Variants in SPOCK1 observed in about 807,000 individuals in gnomAD.
SPOCK1 encodes the protein testican-1.
Under a neutral mutation model 55.3 loss-of-function variants are expected in SPOCK1, and 23 were observed. The ratio of observed to expected loss-of-function variants is 0.42; its 90% CI spans 0.30 to 0.59. SPOCK1 has a LOEUF of 0.59. SPOCK1 is among the 20% of genes least tolerant of loss of function. SPOCK1 has a pLI of 0.22. For missense variants in SPOCK1, 499 were observed against 552.5 expected, an observed-to-expected ratio of 0.90 and a Z score of 0.97; for synonymous variants, 226 against 221.0, an observed-to-expected ratio of 1.02 and a Z score of -0.20.
chr5:137,117,094 G>C (rs1470485766), intron 4 of SPOCK1, among the ~76,000 whole-genome samples: 1 of 152,154 alleles, frequency 6.6e-6, no homozygotes, highest in Non-Finnish European at 1.5e-5. Context: ...CAGGACATGG[G>C]GCACACCCAG....
In SPOCK1 at chr5:137,020,139, A is replaced by T. The variant is rs1218320345; in HGVS notation, c.590-27539T>A. On this transcript the variant is annotated intron_variant, in intron 6 of 10. Transcript: ENST00000394945. ...AAAGGAGAGATAAAAAGCAGAAAAT[A>T]TTAATAAGAGAGTAGAATTTCCATA... is the stretch of plus-strand genomic sequence containing the variant. Among the ~76,000 whole-genome samples, 4 of 151,990 alleles carry T rather than the reference A, an allele frequency of 2.6e-5. No homozygotes were observed. The East Asian group carries it at 7.7e-4, about 29-fold the overall frequency.
At chr5:137,283,166 G>T (rs866179035) in intron 2 of SPOCK1, among the ~76,000 whole-genome samples, 1 of 152,110 alleles carries the variant, frequency 6.6e-6, no homozygotes, top group Non-Finnish European at 1.5e-5. Flanking sequence ...TCTTTGATTG[G>T]GGTAAGGTTT....
chr5:137,452,526 G>C, intron 2 of SPOCK1, among the ~76,000 whole-genome samples: 1 of 152,146 alleles, frequency 6.6e-6, no homozygotes, highest in East Asian at 1.9e-4. Flanking sequence ...TAGTAGTTTT[G>C]AAAGAACTCA....
At chr5:137,317,004 G>A (rs1478443826) in intron 2 of SPOCK1, among the ~76,000 whole-genome samples, 5 of 152,144 alleles carry the variant, frequency 3.3e-5, no homozygotes, top group African/African-American at 4.8e-5. Flanking sequence ...TTTCCAAGCT[G>A]ATAAGAGCTC....
chr5:137,358,975 A>G (rs1201488170), intron 2 of SPOCK1, among the ~76,000 whole-genome samples: 12 of 152,228 alleles, frequency 7.9e-5, no homozygotes, highest in Admixed American at 7.9e-4. Context: ...AACAGAGCAC[A>G]GCTTCTTAAG....
intron 3 of SPOCK1, among the ~76,000 whole-genome samples, chr5:137,172,371 T>C (rs182603439): frequency 6.6e-6 from 1 of 152,274 alleles, no homozygotes; most frequent in Admixed American, 6.5e-5. Context: ...TCTCCATTAA[T>C]AGACAGGGCT....
chr5:137,436,328 G>A (rs1032629003), intron 2 of SPOCK1, among the ~76,000 whole-genome samples: 2 of 151,770 alleles, frequency 1.3e-5, no homozygotes, highest in Admixed American at 1.3e-4. Context: ...GGTATATAGG[G>A]TGAGGAAAGG....
chr5:137,072,942 G>T (rs1345947007), intron 5 of SPOCK1, among the ~76,000 whole-genome samples: 2 of 152,170 alleles, frequency 1.3e-5, no homozygotes, highest in African/African-American at 4.8e-5. Context: ...TAATAATTGG[G>T]CAGGAAGTGA....
intron 2 of SPOCK1, among the ~76,000 whole-genome samples, chr5:137,383,900 C>A (rs536529208): frequency 6.6e-6 from 1 of 152,220 alleles, no homozygotes; most frequent in Non-Finnish European, 1.5e-5. Flanking sequence ...CTGGCTCCCA[C>A]CTCATCAGCC....
chr5:137,056,979 C>T (rs570679976), intron 6 of SPOCK1, among the ~76,000 whole-genome samples: 20 of 152,246 alleles, frequency 1.3e-4, no homozygotes, highest in African/African-American at 4.1e-4. Context: ...AGACCTGCTA[C>T]TACATCACTG....
At chr5:137,175,064 C>T (rs1754829005) in intron 3 of SPOCK1, among the ~76,000 whole-genome samples, 1 of 152,148 alleles carries the variant, frequency 6.6e-6, no homozygotes, top group South Asian at 2.1e-4. Flanking sequence ...GTCCTGCCCT[C>T]AAGGAGTTCA....
chr5:137,140,563 C>T lies in SPOCK1; in HGVS notation c.347+17G>A, dbSNP rs772032651. On this transcript the variant is annotated intron_variant, in intron 4 of 10. Transcript: ENST00000394945. ...AGAATGCCTCCCAGCCCCCAGCCCCCGGCCTTCCTGCCTTACCTGGGGAGC... is the reference window on the plus strand; with the variant it reads ...AGAATGCCTCCCAGCCCCCAGCCCCTGGCCTTCCTGCCTTACCTGGGGAGC... 1.2e-5 allele frequency: 19 copies of T among 1,603,692 alleles called. No homozygotes were observed. The highest frequency in any genetic ancestry group is 2.7e-5 in the African/African-American group (2 of 74,528).
At chr5:137,229,009 C>T (rs1404191696) in intron 3 of SPOCK1, among the ~76,000 whole-genome samples, 2 of 152,164 alleles carry the variant, frequency 1.3e-5, no homozygotes, top group African/African-American at 4.8e-5. Flanking sequence ...GCACTGGGAG[C>T]AACCTGGGCT....
intron 3 of SPOCK1, among the ~76,000 whole-genome samples, chr5:137,221,749 AAAGT>A (rs771667496): frequency 1.6e-4 from 24 of 152,224 alleles, no homozygotes; most frequent in Non-Finnish European, 3.4e-4. Flanking sequence ...TGTTAAAATA[AAAGT>A]AAGTGTGAAT....
intron 6 of SPOCK1, among the ~76,000 whole-genome samples, chr5:137,033,141 G>A (rs1156271659): frequency 6.6e-6 from 1 of 152,184 alleles, no homozygotes; most frequent in Non-Finnish European, 1.5e-5. Context: ...GGGGGTCAGG[G>A]GAGATGAACT....
intron 6 of SPOCK1, among the ~76,000 whole-genome samples, chr5:137,055,831 TC>T (rs1429735482): frequency 6.6e-6 from 1 of 152,174 alleles, no homozygotes; most frequent in Non-Finnish European, 1.5e-5. Flanking sequence ...GATGGCATCT[TC>T]CCAGTGCAGA....
intron 2 of SPOCK1, among the ~76,000 whole-genome samples, chr5:137,277,823 T>C (rs1757097143): frequency 6.6e-6 from 1 of 152,180 alleles, no homozygotes; most frequent in African/African-American, 2.4e-5. Flanking sequence ...GATGGTTTTC[T>C]GGGAAGAATC....
intron 2 of SPOCK1, among the ~76,000 whole-genome samples, chr5:137,346,188 A>C (rs985177306): frequency 1.3e-5 from 2 of 152,104 alleles, no homozygotes; most frequent in African/African-American, 4.8e-5. Context: ...CTCCCAGCAC[A>C]CAACAGAATA....
intron 6 of SPOCK1, among the ~76,000 whole-genome samples, chr5:137,024,318 G>A (rs914645624): frequency 6.7e-6 from 1 of 148,714 alleles, no homozygotes; most frequent in Non-Finnish European, 1.5e-5. Context: ...GTTTGAAGGG[G>A]GGGGGGTAGT....
Sources: allele counts gnomAD v4.1 joint callset (sites outside exome capture counted in the v4.1 genomes callset), GRCh38; gene constraint gnomAD v4.1.1; transcripts MANE v1.5; gene names NCBI Gene and HGNC (gene_info 2026-07-23, HGNC 2026-07-21).